The following FAP variants were observed in gnomAD, a reference collection of about 807,000 sequenced individuals.
FAP encodes the protein fibroblast activation protein alpha.
In FAP, 110 loss-of-function variants were observed where a neutral mutation model predicts 126.5. The ratio of observed to expected loss-of-function variants is 0.87; its 90% CI spans 0.74 to 1.02. The LOEUF (loss-of-function observed/expected upper bound fraction) is 1.02, where lower values mean the gene tolerates loss of function less well. FAP is among the 50% of genes least tolerant of loss of function. The probability of loss-of-function intolerance (pLI) is 0.00; values close to 1 mark genes in which losing one functional copy is unlikely to be tolerated. For missense variants in FAP, 919 were observed against 909.2 expected, an observed-to-expected ratio of 1.01 and a Z score of -0.14; for synonymous variants, 334 against 297.3, an observed-to-expected ratio of 1.12 and a Z score of -1.27.
intron 15 of FAP, 29 bp downstream of exon 15, chr2:162,200,536 GA>G: frequency 7.8e-7 from 1 of 1,280,996 alleles, no homozygotes; most frequent in Non-Finnish European, 1.1e-6. Context: ...TCAACACATA[GA>G]AATACCAGAA....
chr2:162,233,372 A>T (rs1443874252), intron 2 of FAP, among the ~76,000 whole-genome samples: 1 of 151,980 alleles, frequency 6.6e-6, no homozygotes, highest in African/African-American at 2.4e-5. Context: ...CCCCAGGGAC[A>T]AGCCATTTCA....
intron 20 of FAP, 99 bp downstream of exon 20, chr2:162,188,070 A>T: frequency 9.7e-7 from 1 of 1,026,136 alleles, no homozygotes; most frequent in Non-Finnish European, 1.4e-6. Flanking sequence ...TTAGAAAAAG[A>T]AAAACAAAAG....
chr2:162,202,469 T>C (rs966456763), intron 14 of FAP, among the ~76,000 whole-genome samples: 1 of 152,234 alleles, frequency 6.6e-6, no homozygotes, highest in Non-Finnish European at 1.5e-5. Flanking sequence ...AAATGACAGT[T>C]GTTATAAATA....
rs1209078486 is a variant in FAP at position 162,218,087 on chromosome 2, A to G, written c.661T>C (p.Leu221=). The change falls in exon 9 of 26, where the codon TTG becomes CTG. Residue 221 remains leucine, a synonymous_variant. Transcript: ENST00000188790. ...GTATCATTAAATTCCGCATATGCCA[A>G]AAATTTTCCATTAGGAGACCACCAG... ...ALWWSPNGKF[L]AYAEFNDTDI... 2 of 1,609,750 alleles carry G rather than the reference A, an allele frequency of 1.2e-6. No homozygotes were observed. The highest frequency in any genetic ancestry group is 1.7e-6 in the Non-Finnish European group (2 of 1,177,876).
At chr2:162,197,655 G>T in intron 16 of FAP, 1 of 456,556 alleles carries the variant, frequency 2.2e-6, no homozygotes, top group Non-Finnish European at 4.4e-6. Flanking sequence ...TCAGGTTCCG[G>T]GGCCAGGTGG....
At chr2:162,194,851 A>C (rs1043526849) in intron 16 of FAP, 103 bp from the exon 17 acceptor site, 1 of 971,244 alleles carries the variant, frequency 1.0e-6, no homozygotes, top group Admixed American at 1.8e-5. Flanking sequence ...AAGTGCCAGT[A>C]CATCTTTTAA....
Position 162,209,577 on chromosome 2 carries a change from AT to A in FAP, c.1047+374del, listed in dbSNP as rs139928746. 128 of 165,878 alleles carry A rather than the reference AT, an allele frequency of 7.7e-4. No homozygotes were observed. The Middle Eastern group carries it at 8.6e-3, about 11-fold the overall frequency. The allele number at this position is 165,878 out of a possible 1,614,324, so 10.3% of individuals were successfully genotyped here. A position where few individuals can be genotyped will look rare whatever the true frequency, so the allele number is the denominator to read the frequency against. ...TTTAAATTACAAGGATACCCAATGTATTTTTTTTTGGATTTAAATGGCTAGT... is the reference window on the plus strand; with the variant it reads ...TTTAAATTACAAGGATACCCAATGTATTTTTTTTGGATTTAAATGGCTAGT... On this transcript the variant is annotated intron_variant, in intron 12 of 25. Transcript: ENST00000188790.
Position 162,173,179 on chromosome 2 carries a change from C to T in FAP, c.2077G>A (p.Asp693Asn). Residue 693 changes from aspartate (D) to asparagine (N), a missense_variant, in exon 24 of 26, where the codon GAC becomes AAC. Transcript: ENST00000188790. ...GCTGTTCCGTGGATGAGAAGATAGT[C>T]TACATTTCTGAAATATTCTGCTCTT... ...MARAEYFRNV[D>N]YLLIHGTADD... 6.2e-7 allele frequency: 1 copy of T among 1,613,132 alleles called. No individual in the cohort carries two copies. Among genetic ancestry groups the T allele is most frequent in the Non-Finnish European group, 8.5e-7 (1 of 1,179,314 alleles).
At chr2:162,185,512 G>A (rs1307023449) in intron 20 of FAP, among the ~76,000 whole-genome samples, 1 of 152,096 alleles carries the variant, frequency 6.6e-6, no homozygotes, top group Non-Finnish European at 1.5e-5. Flanking sequence ...AAGAAAGCGG[G>A]TTCCAGTCTC....
At chr2:162,210,196 G>T (rs1688870927) in intron 11 of FAP, among the ~76,000 whole-genome samples, 200 bp from the exon 12 acceptor site, 1 of 152,104 alleles carries the variant, frequency 6.6e-6, no homozygotes, top group African/African-American at 2.4e-5. Flanking sequence ...TAATTTTATT[G>T]CAGATCCTTA....
intron 2 of FAP, among the ~76,000 whole-genome samples, chr2:162,241,792 A>T (rs537261382): frequency 7.9e-5 from 12 of 152,352 alleles, no homozygotes; most frequent in Admixed American, 3.9e-4. Context: ...CCTAAGAAGA[A>T]TCTTGTGCTG....
chr2:162,211,117 A>T (rs917951445), intron 11 of FAP, among the ~76,000 whole-genome samples: 13 of 152,150 alleles, frequency 8.5e-5, no homozygotes, highest in African/African-American at 2.9e-4. Context: ...GAACAGAAAT[A>T]ACTCATGCTA....
rs915890571 is a variant in FAP, at chr2:162,214,575, T to C, written c.867-502A>G. Among the ~76,000 whole-genome samples the C allele has an allele frequency of 2.0e-5, 3 of 151,190 alleles. No homozygotes were observed. The South Asian group carries it at 6.3e-4, about 32-fold the overall frequency. ...CTTGTGGAATAAATCACAGATGATGTATGCGAAATAACTCAAATAATGTTT... is the reference window on the plus strand; with the variant it reads ...CTTGTGGAATAAATCACAGATGATGCATGCGAAATAACTCAAATAATGTTT... On this transcript the variant is annotated intron_variant, in intron 10 of 25. Coordinates refer to ENST00000188790, the MANE Select transcript of FAP (RefSeq NM_004460.5).
chr2:162,177,747 A>G (rs1031543942), intron 21 of FAP, among the ~76,000 whole-genome samples: 2 of 151,870 alleles, frequency 1.3e-5, no homozygotes, highest in African/African-American at 4.8e-5. Context: ...ACCATTCCCA[A>G]CTCCATAAGG....
chr2:162,204,570 C>T (rs1010958021), intron 12 of FAP, among the ~76,000 whole-genome samples: 10 of 152,122 alleles, frequency 6.6e-5, no homozygotes, highest in Non-Finnish European at 7.4e-5. Context: ...TAAAGTGATA[C>T]GGCTGTTAAA....
At chr2:162,189,889 G>T (rs922997595) in intron 17 of FAP, 135 bp from the exon 18 acceptor site, 6 of 586,420 alleles carry the variant, frequency 1.0e-5, no homozygotes, top group Non-Finnish European at 1.5e-5. Context: ...GTTTCATATT[G>T]ACAAATGTAT....
intron 21 of FAP, chr2:162,176,156 G>T (rs1687475815): frequency 6.6e-6 from 1 of 152,126 alleles, no homozygotes; most frequent in African/African-American, 2.4e-5. Context: ...GAGTGACAGT[G>T]TGAGAAAGAG....
chr2:162,204,807 T>A (rs1351700836), intron 12 of FAP, among the ~76,000 whole-genome samples: 1 of 152,206 alleles, frequency 6.6e-6, no homozygotes, highest in African/African-American at 2.4e-5. Flanking sequence ...TCACCACATT[T>A]ACCTAGAATC....
intron 12 of FAP, among the ~76,000 whole-genome samples, chr2:162,204,256 C>A (rs1463193100): frequency 6.6e-6 from 1 of 152,110 alleles, no homozygotes; most frequent in African/African-American, 2.4e-5. Flanking sequence ...ATATTTGATG[C>A]CTTTTTGATG....
Sources: gnomAD v4.1 joint callset for allele counts (sites outside exome capture counted in the v4.1 genomes callset) on GRCh38, gnomAD v4.1.1 for gene constraint, MANE v1.5 for transcripts, NCBI Gene and HGNC (gene_info 2026-07-23, HGNC 2026-07-21) for gene names.